Variants in LILRB2 observed in about 807,000 individuals in gnomAD.
The protein encoded by LILRB2 is leukocyte immunoglobulin like receptor B2.
In LILRB2, 47 loss-of-function variants were observed where a neutral mutation model predicts 72.7. That is an observed-to-expected ratio of 0.65 (90% CI 0.51 to 0.82). LILRB2 has a LOEUF of 0.82. LILRB2 is among the 40% of genes least tolerant of loss of function. LILRB2 has a pLI of 0.00. For missense variants in LILRB2, 767 were observed against 764.8 expected (o/e 1.00, Z -0.03); for synonymous variants, 279 against 313.7 (o/e 0.89, Z 1.17).
Position 54,276,004 on chromosome 19 carries a change from C to T in LILRB2, c.1595-1G>A, listed in dbSNP as rs1480542793. On this transcript the variant is annotated splice_acceptor_variant, in intron 12 of 13. Transcript: ENST00000314446. LOFTEE classifies it high-confidence loss of function. ...GGCTGTGTGTCCTTCACGGCAGCAT[C>T]TGCTGGGGCAGAGCAAGGGGTTCGT... is the stretch of plus-strand genomic sequence containing the variant. 3 of 1,614,010 alleles carry T rather than the reference C, an allele frequency of 1.9e-6. No homozygotes were observed. The highest frequency in any genetic ancestry group is 1.1e-5 in the South Asian group (1 of 91,094).
At chr19:54,276,113 G>T in intron 12 of LILRB2, 110 bp from the exon 13 acceptor site, 1 of 1,550,868 alleles carries the variant, frequency 6.4e-7, no homozygotes, top group Non-Finnish European at 8.8e-7. Context: ...GCAGGGAGGG[G>T]CTGCAATGTC....
rs1361698364 is a variant in LILRB2, at chr19:54,280,276, G to C, written c.58C>G (p.Arg20Gly). ...CLGLSLGPRT[R>G]VQTGTIPKPT... ...GGGACAGACTCACCTGTCTGCACGC[G>C]GGTCCTGGGGCCCAGACTCAGCCCT... Residue 20 changes from arginine to glycine, a missense_variant, in exon 3 of 14, where the codon CGC becomes GGC. By Grantham distance (125) the Arg-to-Gly change is moderately radical (BLOSUM62 -2). Around this residue, in one of 3 missense-constraint regions of LILRB2, gnomAD observed 599 missense variants for 568.2 expected, o/e 1.05. Coordinates refer to ENST00000314446, the MANE Select transcript of LILRB2 (RefSeq NM_001080978.4). The C allele has an allele frequency of 1.7e-5, 27 of 1,613,860 alleles. No homozygotes were observed. The highest frequency in any genetic ancestry group is 2.3e-5 in the Non-Finnish European group (27 of 1,179,960).
intron 12 of LILRB2, 128 bp downstream of exon 12, chr19:54,276,136 C>A: frequency 6.4e-7 from 1 of 1,559,906 alleles, no homozygotes; most frequent in South Asian, 1.1e-5. Context: ...TGAGGTCCCA[C>A]AGTGTGGGGT....
rs2080487338 is a variant in LILRB2, at chr19:54,280,263, C to G, written c.70+1G>C. 6.2e-7 allele frequency: 1 copy of G among 1,613,982 alleles called. No homozygotes were observed. Among genetic ancestry groups the G allele is most frequent in the Non-Finnish European group, 8.5e-7 (1 of 1,179,968 alleles). ...CCTGGGAGAGCTGGGGACAGACTCA[C>G]CTGTCTGCACGCGGGTCCTGGGGCC... On this transcript the variant is annotated splice_donor_variant, in intron 3 of 13. Coordinates refer to ENST00000314446, the MANE Select transcript of LILRB2 (RefSeq NM_001080978.4). LOFTEE classifies it high-confidence loss of function.
chr19:54,274,242 C>T lies in LILRB2; in HGVS notation c.*441G>A, dbSNP rs905761287. ...ATGAGCAACTCTTCTTCTTCTTATT[C>T]CCTTTCTTACACCTTCATTTGGAAT... On this transcript the variant is annotated 3_prime_UTR_variant, in exon 14 of 14. Coordinates refer to ENST00000314446, the MANE Select transcript of LILRB2 (RefSeq NM_001080978.4). 1.5e-4 allele frequency: 24 copies of T among 161,786 alleles called. No homozygotes were observed. Among genetic ancestry groups the T allele is most frequent in the Non-Finnish European group, 3.1e-4 (23 of 73,994 alleles). The allele number at this position is 161,786 out of a possible 1,614,324, so 10.0% of individuals were successfully genotyped here.
At position 54,274,611 on chromosome 19, in the gene LILRB2, G is replaced by A. The variant is rs1284814219; in HGVS notation, c.*72C>T. 3 of 1,609,052 alleles carry A rather than the reference G, an allele frequency of 1.9e-6. No homozygotes were observed. The highest frequency in any genetic ancestry group is 2.5e-6 in the Non-Finnish European group (3 of 1,176,690). ...TGACTGGGGTTCATTGGTGTCCACT[G>A]GGGGCAGCTCCCGTGCCTTCAGCAG... On this transcript the variant is annotated 3_prime_UTR_variant, in exon 14 of 14. Transcript: ENST00000314446.
intron 1 of LILRB2, 89 bp downstream of exon 1, chr19:54,280,872 A>C: frequency 3.7e-6 from 1 of 268,070 alleles, no homozygotes; most frequent in South Asian, 4.9e-5. Flanking sequence ...TGAGGGTAGC[A>C]GTGGCTTCCC....
rs530672839 is a variant in LILRB2, at chr19:54,278,603, C to T, written c.956-41G>A. On this transcript the variant is annotated intron_variant, in intron 6 of 13. Transcript: ENST00000314446. ...ATGGGTGAGGGGCTGCCCCACCTTG[C>T]TCTGAGCTGAGACCTCCCCAGGCCT... 4.3e-5 allele frequency: 69 copies of T among 1,607,858 alleles called. 1 individual carries two copies. The East Asian group carries it at 1.3e-3, about 31-fold the overall frequency.
At position 54,281,109 on chromosome 19, in the gene LILRB2, G is replaced by A. The variant is rs1308506953; in HGVS notation, c.-197C>T. 3 of 412,626 alleles carry A rather than the reference G, an allele frequency of 7.3e-6. No individual in the cohort carries two copies. Among genetic ancestry groups the A allele is most frequent in the East Asian group, 1.5e-4 (2 of 13,466 alleles). The allele number at this position is 412,626 out of a possible 1,614,324, so 25.6% of individuals were successfully genotyped here. A position where few individuals can be genotyped will look rare whatever the true frequency, so the allele number is the denominator to read the frequency against. ...GTGGCAGTGAGCACAGAGGAGAAAT[G>A]CAGGGAAGTAGGGGAAGAAAAGTTG... On this transcript the variant is annotated 5_prime_UTR_variant, in exon 1 of 14. Coordinates refer to ENST00000314446, the MANE Select transcript of LILRB2 (RefSeq NM_001080978.4).
Position 54,279,888 on chromosome 19 carries a change from T to C in LILRB2, c.258A>G (p.Pro86=), listed in dbSNP as rs563696343. ...GCCCTGTGTGTTCCCAGGTGATGGA[T>C]GGGATGTGGAACTGGCCGTTCTTCA... ...ELVKNGQFHI[P]SITWEHTGRY... The change falls in exon 4 of 14, where the codon CCA becomes CCG. Residue 86 remains proline (P), a synonymous_variant. Transcript: ENST00000314446. 12 of 1,614,024 alleles carry C rather than the reference T, an allele frequency of 7.4e-6. No individual in the cohort carries two copies. The highest frequency in any genetic ancestry group is 6.7e-5 in the East Asian group (3 of 44,862).
rs777735914 is a variant in LILRB2 at position 54,280,505 on chromosome 19, C to T, written c.-9G>A. The T allele has an allele frequency of 3.7e-6, 6 of 1,613,964 alleles. No homozygotes were observed. Among genetic ancestry groups the T allele is most frequent in the Non-Finnish European group, 5.1e-6 (6 of 1,179,976 alleles). ...GTGACGATGGGGGTCATGGCGTCTC[C>T]TCCCACTGCCCTGCTCTGCGGATGG... On this transcript the variant is annotated 5_prime_UTR_variant, in exon 2 of 14. Coordinates refer to ENST00000314446, the MANE Select transcript of LILRB2 (RefSeq NM_001080978.4).
chr19:54,274,313 A>C lies in LILRB2; in HGVS notation c.*370T>G. On this transcript the variant is annotated 3_prime_UTR_variant, in exon 14 of 14. Transcript: ENST00000314446. ...AATTCCTTATACGAAAGCCAACGTC[A>C]TTCATTTCCTAGTTTTTTTTTTTCG... is the stretch of plus-strand genomic sequence containing the variant. The C allele has an allele frequency of 5.3e-5, 10 of 189,150 alleles. No individual in the cohort carries two copies. Among genetic ancestry groups the C allele is most frequent in the East Asian group, 1.3e-4 (1 of 7,842 alleles). The allele number at this position is 189,150 out of a possible 1,614,324, so 11.7% of individuals were successfully genotyped here.
Position 54,274,345 on chromosome 19 carries a change from C to G in LILRB2, c.*338G>C. 1 of 215,076 alleles carries G rather than the reference C, an allele frequency of 4.6e-6. No individual in the cohort carries two copies. The highest frequency in any genetic ancestry group is 9.0e-6 in the Non-Finnish European group (1 of 111,406). The allele number at this position is 215,076 out of a possible 1,614,324, so 13.3% of individuals were successfully genotyped here. A position where few individuals can be genotyped will look rare whatever the true frequency, so the allele number is the denominator to read the frequency against. Reference sequence around the variant, plus strand: ...TCCTAGTTTTTTTTTTTCGTTTCTACTTTTTTCATTTGTGGTTTGTACTTT... The same window carrying G: ...TCCTAGTTTTTTTTTTTCGTTTCTAGTTTTTTCATTTGTGGTTTGTACTTT... On this transcript the variant is annotated 3_prime_UTR_variant, in exon 14 of 14. Coordinates refer to ENST00000314446, the MANE Select transcript of LILRB2 (RefSeq NM_001080978.4).
At chr19:54,277,466 T>C (rs1372046211) in intron 9 of LILRB2, 84 bp downstream of exon 9, 5 of 1,535,042 alleles carry the variant, frequency 3.3e-6, no homozygotes, top group African/African-American at 1.4e-5. Context: ...CATCACCACC[T>C]CCAGAGGAGC....
rs149746642 is a variant in LILRB2, at chr19:54,273,853, T to C, written c.*830A>G. 1.8e-5 allele frequency: 2 copies of C among 113,646 alleles called. No homozygotes were observed. Among genetic ancestry groups the C allele is most frequent in the African/African-American group, 6.6e-5 (2 of 30,146 alleles). The allele number at this position is 113,646 out of a possible 1,614,324, so 7.0% of individuals were successfully genotyped here. On this transcript the variant is annotated 3_prime_UTR_variant, in exon 14 of 14. Transcript: ENST00000314446. Reference sequence around the variant, plus strand: ...GGAACATTTTTATTACAGTCAATGTTTTTCACACACACACACACACACACA... The same window carrying C: ...GGAACATTTTTATTACAGTCAATGTCTTTCACACACACACACACACACACA...
chr19:54,278,441 C>T lies in LILRB2; in HGVS notation c.1077G>A (p.Ala359=), dbSNP rs780207679. ...RQFHTFLLTK[A]GAADAPLRLR... Reference sequence around the variant, plus strand: ...GACGGAGTGGGGCATCAGCTGCTCCCGCCTTGGTCAGAAGGAAAGTGTGGA... The same window carrying T: ...GACGGAGTGGGGCATCAGCTGCTCCTGCCTTGGTCAGAAGGAAAGTGTGGA... Residue 359 remains alanine, a synonymous_variant, in exon 7 of 14, where the codon GCG becomes GCA. Coordinates refer to ENST00000314446, the MANE Select transcript of LILRB2 (RefSeq NM_001080978.4). 1.5e-5 allele frequency: 25 copies of T among 1,614,050 alleles called. No homozygotes were observed. Among genetic ancestry groups the T allele is most frequent in the African/African-American group, 5.3e-5 (4 of 74,898 alleles).
In LILRB2 at chr19:54,280,217, G is replaced by T. The variant is rs1414584184; in HGVS notation, c.70+47C>A. The T allele has an allele frequency of 3.1e-6, 5 of 1,613,596 alleles. No homozygotes were observed. The Admixed American group carries it at 8.3e-5, about 27-fold the overall frequency. On this transcript the variant is annotated intron_variant, in intron 3 of 13. Coordinates refer to ENST00000314446, the MANE Select transcript of LILRB2 (RefSeq NM_001080978.4). The stretch of plus-strand genomic sequence containing the variant: ...CCCAGCTGCACGGAGGTGGCCCCTT[G>T]TCCCCAGTGAGGAGGAGGGACCTGG...
Position 54,280,048 on chromosome 19 carries a change from G to A in LILRB2, c.98C>T (p.Ala33Val), listed in dbSNP as rs754425766. The A allele has an allele frequency of 3.4e-5, 55 of 1,613,940 alleles. 1 individual carries two copies. The South Asian group carries it at 6.0e-4, about 18-fold the overall frequency. Residue 33 changes from alanine (A) to valine (V), a missense_variant, in exon 4 of 14, where the codon GCT (alanine) becomes GTT (valine). Around this residue, in one of 3 missense-constraint regions of LILRB2, gnomAD observed 599 missense variants for 568.2 expected, o/e 1.05. Coordinates refer to ENST00000314446, the MANE Select transcript of LILRB2 (RefSeq NM_001080978.4). ...TGTIPKPTLWAEPDSVITQGS... is the reference protein window; with the variant it reads ...TGTIPKPTLWVEPDSVITQGS... ...CTGGGTGATCACAGAGTCTGGCTCA[G>A]CCCACAGGGTGGGCTTGGGGATGGT...
At chr19:54,275,070 G>C (rs2080160748) in intron 13 of LILRB2, 1 of 1,606,566 alleles carries the variant, frequency 6.2e-7, no homozygotes, top group Admixed American at 1.7e-5. Flanking sequence ...GGCTCTGCTG[G>C]AGAGAGACAG....
Sources: gnomAD v4.1 joint callset for allele counts on GRCh38, gnomAD v4.1.1 for gene constraint, gnomAD v4.1.1 regional missense constraint, MANE v1.5 for transcripts, NCBI Gene and HGNC (gene_info 2026-07-23, HGNC 2026-07-21) for gene names.